The following CXCL13 variants were observed in gnomAD, a reference collection of about 807,000 sequenced individuals.
CXCL13 encodes C-X-C motif chemokine 13.
A neutral mutation model predicts 12.2 loss-of-function variants in CXCL13; 7 were observed. The ratio of observed to expected loss-of-function variants is 0.57; its 90% CI spans 0.33 to 1.07. CXCL13 has a LOEUF of 1.07. CXCL13 is among the 50% of genes least tolerant of loss of function. The pLI, the probability that CXCL13 is intolerant of heterozygous loss-of-function variation, is 0.04. For synonymous variants in CXCL13, 47 were observed against 42.4 expected, an observed-to-expected ratio of 1.11 and a Z score of -0.42; for missense variants, 113 against 127.4, an observed-to-expected ratio of 0.89 and a Z score of 0.55.
intron 1 of CXCL13, among the ~76,000 whole-genome samples, chr4:77,556,777 A>T (rs1164550165): frequency 6.6e-6 from 1 of 152,108 alleles, no homozygotes; most frequent in African/African-American, 2.4e-5. Flanking sequence ...AGTGGCTCAC[A>T]CCTGTAATCC....
chr4:77,523,092 G>A (rs988692834), intron 1 of CXCL13, among the ~76,000 whole-genome samples: 40 of 152,138 alleles, frequency 2.6e-4, no homozygotes, highest in Admixed American at 2.4e-3. Flanking sequence ...TTAGTCTGAT[G>A]GGCTTCCCTT....
At chr4:77,599,417 G>C (rs1426895570) in intron 1 of CXCL13, among the ~76,000 whole-genome samples, 2 of 152,146 alleles carry the variant, frequency 1.3e-5, no homozygotes, top group South Asian at 2.1e-4. Context: ...ATAATGACAA[G>C]AAAAAAATCT....
chr4:77,568,289 G>A lies in CXCL13; in HGVS notation c.-42-37535G>A, dbSNP rs138385675. ...TTTATTTTGGACAGATGGAGAAGTG[G>A]CCACGAGACTTCTAGCTTGATAGCC... On this transcript the variant is annotated intron_variant, in intron 1 of 4. Transcript: ENST00000286758. Among the ~76,000 whole-genome samples the A allele has an allele frequency of 1.4e-3, 207 of 152,208 alleles. 1 individual carries two copies. Among genetic ancestry groups the A allele is most frequent in the African/African-American group, 4.7e-3 (195 of 41,548 alleles).
At chr4:77,549,280 A>C (rs762144302) in intron 1 of CXCL13, among the ~76,000 whole-genome samples, 1 of 152,176 alleles carries the variant, frequency 6.6e-6, no homozygotes, top group Non-Finnish European at 1.5e-5. Context: ...AATGAGTTAG[A>C]ATATGTTCCT....
chr4:77,551,658 A>G (rs1027793586), intron 1 of CXCL13, among the ~76,000 whole-genome samples: 9 of 152,186 alleles, frequency 5.9e-5, no homozygotes, highest in African/African-American at 2.2e-4. Flanking sequence ...GATAAGGGAA[A>G]TGTTCTTGAA....
intron 1 of CXCL13, among the ~76,000 whole-genome samples, chr4:77,529,231 C>T (rs1447748292): frequency 6.6e-6 from 1 of 152,098 alleles, no homozygotes; most frequent in Non-Finnish European, 1.5e-5. Flanking sequence ...CAGCTTTGTT[C>T]TTTTGGCTTA....
At chr4:77,541,028 C>A (rs6819431) in intron 1 of CXCL13, among the ~76,000 whole-genome samples, 1 of 151,814 alleles carries the variant, frequency 6.6e-6, no homozygotes, top group Non-Finnish European at 1.5e-5. Context: ...TTTTTTCATA[C>A]GTTTGTTGGC....
chr4:77,600,359 A>G (rs1726859602), intron 1 of CXCL13, among the ~76,000 whole-genome samples: 1 of 152,130 alleles, frequency 6.6e-6, no homozygotes, highest in South Asian at 2.1e-4. Context: ...AGGTTTGCAG[A>G]TTAGCTGATA....
chr4:77,525,741 A>T (rs1724746147), intron 1 of CXCL13, among the ~76,000 whole-genome samples: 1 of 152,162 alleles, frequency 6.6e-6, no homozygotes, highest in South Asian at 2.1e-4. Flanking sequence ...CATAAGGATT[A>T]TGCACTACCA....
chr4:77,609,456 G>A (rs6854795), intron 2 of CXCL13, among the ~76,000 whole-genome samples: 10,981 of 151,892 alleles, frequency 0.072, 1,280 homozygotes, highest in African/African-American at 0.25. Context: ...GGGACAACAG[G>A]TGCACACCAC....
At chr4:77,582,816 A>C (rs1726371251) in intron 1 of CXCL13, among the ~76,000 whole-genome samples, 1 of 152,214 alleles carries the variant, frequency 6.6e-6, no homozygotes, top group South Asian at 2.1e-4. Flanking sequence ...TTATTGACAG[A>C]GGGTAGGTAA....
intron 1 of CXCL13, among the ~76,000 whole-genome samples, chr4:77,553,362 C>A (rs1725579384): frequency 6.6e-6 from 1 of 152,198 alleles, no homozygotes; most frequent in African/African-American, 2.4e-5. Context: ...TGCTGGGTTG[C>A]CAAAGAATGG....
At chr4:77,610,126 C>G (rs1173247473) in intron 2 of CXCL13, among the ~76,000 whole-genome samples, 1 of 152,176 alleles carries the variant, frequency 6.6e-6, no homozygotes, top group Non-Finnish European at 1.5e-5. Flanking sequence ...AGATGTCACT[C>G]CAAGCAATCT....
intron 1 of CXCL13, among the ~76,000 whole-genome samples, chr4:77,526,759 G>C (rs573996255): frequency 3.3e-5 from 5 of 152,242 alleles, no homozygotes; most frequent in African/African-American, 1.2e-4. Flanking sequence ...GGAAAACAGA[G>C]CCATCAAAGA....
At chr4:77,541,293 A>G (rs1245792920) in intron 1 of CXCL13, among the ~76,000 whole-genome samples, 1 of 152,072 alleles carries the variant, frequency 6.6e-6, no homozygotes, top group East Asian at 1.9e-4. Flanking sequence ...TTTTGTTTCA[A>G]TTGCCTTGGA....
chr4:77,553,063 G>C (rs1372810792), intron 1 of CXCL13, among the ~76,000 whole-genome samples: 1 of 152,186 alleles, frequency 6.6e-6, no homozygotes, highest in African/African-American at 2.4e-5. Context: ...GGAGTGGAAA[G>C]GGGCCCTACT....
intron 1 of CXCL13, among the ~76,000 whole-genome samples, chr4:77,553,875 G>A (rs906554014): frequency 6.6e-6 from 1 of 152,230 alleles, no homozygotes; most frequent in East Asian, 1.9e-4. Flanking sequence ...GAAATATCTA[G>A]TGTACAATGT....
At chr4:77,524,323 C>T (rs892828191) in intron 1 of CXCL13, among the ~76,000 whole-genome samples, 4 of 152,226 alleles carry the variant, frequency 2.6e-5, no homozygotes, top group Non-Finnish European at 5.9e-5. Flanking sequence ...GTTCAGCTAT[C>T]CCCTGCCTAC....
Position 77,539,117 on chromosome 4 carries a change from G to A in CXCL13, c.-43+27329G>A, listed in dbSNP as rs139302666. On this transcript the variant is annotated intron_variant, in intron 1 of 4. Coordinates refer to the CXCL13 transcript ENST00000286758. Reference sequence around the variant, plus strand: ...TCTAGCTCTGTCGCCCAGGCTGGAGGGCAGTGGCGTGATCTCAGCTCACTG... The same window carrying A: ...TCTAGCTCTGTCGCCCAGGCTGGAGAGCAGTGGCGTGATCTCAGCTCACTG... 1.1e-3 allele frequency among the ~76,000 whole-genome samples: 166 copies of A among 151,320 alleles called. 8 individuals are homozygous for A. The East Asian group carries it at 0.028, about 26-fold the overall frequency.
Sources: allele counts gnomAD v4.1 joint callset (sites outside exome capture counted in the v4.1 genomes callset), GRCh38; gene constraint gnomAD v4.1.1; transcripts MANE v1.5; gene names NCBI Gene and HGNC (gene_info 2026-07-23, HGNC 2026-07-21).